BCAP29: variants seen among roughly 807,000 people sequenced by gnomAD.
BCAP29 encodes B cell receptor associated protein 29.
Under a neutral mutation model 31.8 loss-of-function variants are expected in BCAP29, and 34 were observed. The ratio of observed to expected loss-of-function variants is 1.07; its 90% CI spans 0.81 to 1.42. The LOEUF (loss-of-function observed/expected upper bound fraction) is 1.42, where lower values mean the gene tolerates loss of function less well. BCAP29 is among the 40% of genes most tolerant of loss of function. The pLI is 0.00. For missense variants in BCAP29, 314 were observed against 269.2 expected (o/e 1.17, Z -1.16); for synonymous variants, 104 against 91.3 (o/e 1.14, Z -0.79).
chr7:107,582,241 A>G (rs925778090), intron 2 of BCAP29, among the ~76,000 whole-genome samples: 12 of 152,214 alleles, frequency 7.9e-5, no homozygotes, highest in African/African-American at 1.7e-4. Context: ...TTATGGATCA[A>G]TATTTTTCTT....
chr7:107,616,813 G>T (rs138230496), intron 7 of BCAP29, among the ~76,000 whole-genome samples: 1 of 151,926 alleles, frequency 6.6e-6, no homozygotes, highest in African/African-American at 2.4e-5. Flanking sequence ...ATCTCAGCTC[G>T]CTGCAACCTC....
intron 7 of BCAP29, 124 bp downstream of exon 7, chr7:107,613,556 A>C: frequency 7.3e-7 from 1 of 1,372,442 alleles, no homozygotes; most frequent in South Asian, 1.2e-5. Flanking sequence ...TTGTTAAACG[A>C]TTTAAAGAAG....
intron 3 of BCAP29, among the ~76,000 whole-genome samples, chr7:107,593,586 A>C (rs930044004): frequency 6.6e-6 from 1 of 152,222 alleles, no homozygotes; most frequent in Non-Finnish European, 1.5e-5. Context: ...CTTGGAATTG[A>C]TTGTAATGGG....
At chr7:107,607,564 T>C (rs543069732) in intron 6 of BCAP29, among the ~76,000 whole-genome samples, 23 of 152,172 alleles carry the variant, frequency 1.5e-4, no homozygotes, top group Admixed American at 9.2e-4. Flanking sequence ...TCATCATCAT[T>C]ATGAGGATTT....
At chr7:107,594,939 T>C (rs1809545722) in intron 4 of BCAP29, among the ~76,000 whole-genome samples, 1 of 152,242 alleles carries the variant, frequency 6.6e-6, no homozygotes, top group South Asian at 2.1e-4. Context: ...TGGAGCCTTG[T>C]CTCATACGTG....
intron 7 of BCAP29, chr7:107,615,382 C>A (rs1221354443): frequency 1.1e-5 from 5 of 454,696 alleles, no homozygotes; most frequent in Non-Finnish European, 2.2e-5. Flanking sequence ...GCGGGCGGAT[C>A]ATGGGAGATC....
chr7:107,598,085 A>T (rs1246682004), intron 5 of BCAP29, among the ~76,000 whole-genome samples: 2 of 152,200 alleles, frequency 1.3e-5, no homozygotes, highest in Admixed American at 1.3e-4. Context: ...TTACAGGTGC[A>T]GTAGTGAAAG....
chr7:107,611,770 T>A (rs1813166884), intron 6 of BCAP29, among the ~76,000 whole-genome samples: 1 of 152,182 alleles, frequency 6.6e-6, no homozygotes, highest in Admixed American at 6.6e-5. Flanking sequence ...AATACCTTAT[T>A]TAGAATTATG....
intron 6 of BCAP29, chr7:107,603,419 T>TA (rs1585165221): frequency 6.9e-6 from 1 of 145,138 alleles, no homozygotes; most frequent in African/African-American, 2.6e-5. Flanking sequence ...CATATAGATA[T>TA]AAAAAACATC....
chr7:107,594,214 C>T, intron 4 of BCAP29, 109 bp downstream of exon 4: 3 of 1,002,650 alleles, frequency 3.0e-6, no homozygotes, highest in Non-Finnish European at 4.3e-6. Flanking sequence ...AGAGAGACAA[C>T]CTTTCGCTCT....
At chr7:107,612,040 T>C (rs2129286035) in intron 6 of BCAP29, among the ~76,000 whole-genome samples, 1 of 152,300 alleles carries the variant, frequency 6.6e-6, no homozygotes, top group South Asian at 2.1e-4. Flanking sequence ...TAGTTGATAA[T>C]GGCTTATATA....
intron 6 of BCAP29, among the ~76,000 whole-genome samples, chr7:107,611,786 A>G (rs1041987060): frequency 4.6e-5 from 7 of 152,362 alleles, no homozygotes; most frequent in Admixed American, 2.6e-4. Flanking sequence ...TTATGCAGCT[A>G]TAGAAGGAAC....
chr7:107,599,836 TA>T (rs1810827852), intron 5 of BCAP29, among the ~76,000 whole-genome samples: 1 of 152,136 alleles, frequency 6.6e-6, no homozygotes, highest in South Asian at 2.1e-4. Flanking sequence ...AATTTTAAAA[TA>T]TAAAGAGCAT....
chr7:107,605,561 AATG>A (rs1811938008), intron 6 of BCAP29, among the ~76,000 whole-genome samples: 1 of 152,220 alleles, frequency 6.6e-6, no homozygotes, highest in Admixed American at 6.5e-5. Context: ...AAATGAGTGA[AATG>A]ATACTACTGT....
At chr7:107,594,532 C>T (rs1018386494) in intron 4 of BCAP29, among the ~76,000 whole-genome samples, 1 of 147,386 alleles carries the variant, frequency 6.8e-6, no homozygotes, top group African/African-American at 2.5e-5. Context: ...GATGGAGTCT[C>T]GCTTTGTCGC....
chr7:107,615,038 A>G (rs1813864683), intron 7 of BCAP29, among the ~76,000 whole-genome samples: 1 of 152,224 alleles, frequency 6.6e-6, no homozygotes, highest in East Asian at 1.9e-4. Context: ...CTTTGCCATG[A>G]TGTCAGACAT....
At chr7:107,596,189 A>G (rs1245469909) in intron 5 of BCAP29, among the ~76,000 whole-genome samples, 187 bp downstream of exon 5, 1 of 152,106 alleles carries the variant, frequency 6.6e-6, no homozygotes, top group Non-Finnish European at 1.5e-5. Flanking sequence ...GTTCACACTA[A>G]TATTTTTACT....
At chr7:107,587,580 T>C (rs1807932972) in intron 3 of BCAP29, 1 of 152,144 alleles carries the variant, frequency 6.6e-6, no homozygotes, top group Non-Finnish European at 1.5e-5. Flanking sequence ...GCTCTTACTA[T>C]ATTATTGAGG....
In BCAP29 at chr7:107,612,429, A is replaced by ATTTATTTATT. The variant is rs1468350185; in HGVS notation, c.590-902_590-901insTTATTTATTT. ...TATATATATATATATATATATATATATATATATATATTTATTTTACTTCTA... is the reference window on the plus strand; with the variant it reads ...TATATATATATATATATATATATATATTTATTTATTTATATATATATTTATTTTACTTCTA... On this transcript the variant is annotated intron_variant, in intron 6 of 7. Transcript: ENST00000005259. Among the ~76,000 whole-genome samples, 29 of 30,114 alleles carry ATTTATTTATT rather than the reference A, an allele frequency of 9.6e-4. 2 individuals carry two copies. The highest frequency in any genetic ancestry group is 3.2e-3 in the African/African-American group (27 of 8,498). The allele number at this position is 30,114 out of a possible 152,430, so 19.8% of individuals were successfully genotyped here. A position where few individuals can be genotyped will look rare whatever the true frequency, so the allele number is the denominator to read the frequency against.
Sources: gnomAD v4.1 joint callset for allele counts (sites outside exome capture counted in the v4.1 genomes callset) on GRCh38, gnomAD v4.1.1 for gene constraint, MANE v1.5 for transcripts, NCBI Gene and HGNC (gene_info 2026-07-23, HGNC 2026-07-21) for gene names.